The following RNF228 variants were observed in gnomAD, a reference collection of about 807,000 sequenced individuals.
RNF228 encodes ring finger protein 228.
chr2:222,319,065 C>T, the RNF228 span: 1 of 169,054 alleles, frequency 5.9e-6, no homozygotes. The surrounding 1 kb of genome is among the most constrained non-coding windows in gnomAD (Gnocchi z 7.6). Context: ...CGCCGCAGCC[C>T]GTGCCCTCGG....
At chr2:222,316,517 G>A in the RNF228 span, among the ~76,000 whole-genome samples, 1 of 152,114 alleles carries the variant, frequency 6.6e-6, no homozygotes, top group African/African-American at 2.4e-5. Context: ...AATCTTTTAG[G>A]TTACATTATT....
At chr2:222,318,127 G>T in the RNF228 span, 1 of 152,258 alleles carries the variant, frequency 6.6e-6, no homozygotes, top group African/African-American at 2.4e-5. Context: ...GGGGGCAACC[G>T]TAAGCCACTT....
the RNF228 span, among the ~76,000 whole-genome samples, chr2:222,319,769 A>G: frequency 6.4e-5 from 9 of 140,478 alleles, no homozygotes; most frequent in East Asian, 2.1e-4. The surrounding 1 kb of genome is among the most constrained non-coding windows in gnomAD (Gnocchi z 7.6). Context: ...GCGCGGCGGC[A>G]GCGGCGGCGG....
At chr2:222,316,665 A>G in the RNF228 span, among the ~76,000 whole-genome samples, 1 of 152,246 alleles carries the variant, frequency 6.6e-6, no homozygotes, top group African/African-American at 2.4e-5. Context: ...GGTTACAGCC[A>G]CAAAGCCAAG....
At chr2:222,314,702 G>A in the RNF228 span, among the ~76,000 whole-genome samples, 2 of 152,158 alleles carry the variant, frequency 1.3e-5, no homozygotes, top group Non-Finnish European at 2.9e-5. Flanking sequence ...CATAATAACT[G>A]GGAAATTGCT....
At chr2:222,317,772 C>T in the RNF228 span, 5 of 152,076 alleles carry the variant, frequency 3.3e-5, no homozygotes, top group African/African-American at 4.8e-5. Flanking sequence ...TCTTTTGTAG[C>T]CAAAGGCAGA....
chr2:222,314,504 A>G, the RNF228 span, among the ~76,000 whole-genome samples: 5 of 152,248 alleles, frequency 3.3e-5, no homozygotes, highest in African/African-American at 1.2e-4. Context: ...TAAAAAACAT[A>G]TGATTTCAAA....
the RNF228 span, chr2:222,317,707 A>G: frequency 6.6e-6 from 1 of 152,218 alleles, no homozygotes; most frequent in Non-Finnish European, 1.5e-5. Context: ...CAACAATATC[A>G]AACAGCTAAA....
At chr2:222,315,445 A>G in the RNF228 span, among the ~76,000 whole-genome samples, 1 of 152,240 alleles carries the variant, frequency 6.6e-6, no homozygotes, top group African/African-American at 2.4e-5. Context: ...ATAGATACCC[A>G]CTGGGAATAG....
At chr2:222,316,785 C>G in the RNF228 span, among the ~76,000 whole-genome samples, 3 of 152,048 alleles carry the variant, frequency 2.0e-5, no homozygotes, top group Non-Finnish European at 2.9e-5. Context: ...GTTTTTAGTG[C>G]AAACAGAATC....
chr2:222,318,771 A>ACCCCCCCCCCCCCC, the RNF228 span: 1 of 102,348 alleles, frequency 9.8e-6, no homozygotes, highest in Non-Finnish European at 2.0e-5. Flanking sequence ...GGCAAAAGAG[A>ACCCCCCCCCCCCCC]CCCCCCCCCC....
chr2:222,314,993 G>A, the RNF228 span, among the ~76,000 whole-genome samples: 1 of 151,964 alleles, frequency 6.6e-6, no homozygotes, highest in African/African-American at 2.4e-5. Context: ...TCTCTCTAGC[G>A]GTTCCTATCG....
chr2:222,319,534 G>A, the RNF228 span, among the ~76,000 whole-genome samples: 1 of 145,098 alleles, frequency 6.9e-6, no homozygotes, highest in Non-Finnish European at 1.5e-5. This position sits in a 1 kb window ranked among gnomAD's most constrained non-coding sequence, Gnocchi z 7.6. Flanking sequence ...GTGGGCGGCG[G>A]GGCAGCAGCG....
chr2:222,315,161 A>T, the RNF228 span, among the ~76,000 whole-genome samples: 24 of 151,644 alleles, frequency 1.6e-4, no homozygotes, highest in Admixed American at 8.5e-4. Context: ...CTCAGGAGTT[A>T]TGGTCAGTGT....
the RNF228 span, among the ~76,000 whole-genome samples, chr2:222,315,553 T>C: frequency 6.6e-6 from 1 of 152,138 alleles, no homozygotes; most frequent in Non-Finnish European, 1.5e-5. Flanking sequence ...CAAAGAATTT[T>C]CATGAATTTA....
the RNF228 span, among the ~76,000 whole-genome samples, chr2:222,314,503 T>A: frequency 6.6e-6 from 1 of 152,218 alleles, no homozygotes; most frequent in South Asian, 2.1e-4. Flanking sequence ...ATAAAAAACA[T>A]ATGATTTCAA....
At chr2:222,320,137 G>T in the RNF228 span, among the ~76,000 whole-genome samples, 1 of 152,096 alleles carries the variant, frequency 6.6e-6, no homozygotes, top group South Asian at 2.1e-4. Flanking sequence ...TGGGCTCCGG[G>T]CGGGGAGGAG....
chr2:222,319,992 G>C, the RNF228 span, among the ~76,000 whole-genome samples: 1 of 152,210 alleles, frequency 6.6e-6, no homozygotes, highest in South Asian at 2.1e-4. This position sits in a 1 kb window ranked among gnomAD's most constrained non-coding sequence, Gnocchi z 7.6. Context: ...GGCGACCCCA[G>C]CTCCCTCCCG....
At chr2:222,319,920 C>A in the RNF228 span, among the ~76,000 whole-genome samples, 1 of 152,080 alleles carries the variant, frequency 6.6e-6, no homozygotes, top group African/African-American at 2.4e-5. The surrounding 1 kb of genome is among the most constrained non-coding windows in gnomAD (Gnocchi z 7.6). Flanking sequence ...CGGAGGGAGG[C>A]CGGAGACCGT....
Sources: allele counts gnomAD v4.1 joint callset (sites outside exome capture counted in the v4.1 genomes callset), GRCh38; gene constraint gnomAD v4.1.1; non-coding constraint Gnocchi (gnomAD v3.1); transcripts MANE v1.5; gene names NCBI Gene and HGNC (gene_info 2026-07-23, HGNC 2026-07-21).